The following ACTR1A variants were observed in gnomAD, a reference collection of about 807,000 sequenced individuals.
The protein encoded by ACTR1A is actin related protein 1A.
ACTR1A carries 10 observed loss-of-function variants against 50.7 expected under a neutral mutation model. The observed-to-expected ratio is 0.20, with a 90% CI of 0.12 to 0.33. ACTR1A has a LOEUF of 0.33. Among genes scored for constraint, ACTR1A ranks in the 10% least tolerant of loss-of-function variants. ACTR1A has a pLI of 1.00. For synonymous variants in ACTR1A, 177 were observed against 184.2 expected (o/e 0.96, Z 0.32); for missense variants, 253 against 491.7 (o/e 0.51, Z 4.59).
rs749861173 is a variant in ACTR1A at position 102,484,373 on chromosome 10, G to A, written c.444C>T (p.Tyr148=). ...CCACCCCTGTGGTCCTGCCTGTAGC[G>A]TAACTGAAGCAAAGGGGCAAACCGT... The part of the protein sequence containing the change: ...FISMQAVLSL[Y]ATGRTTGVVL... Residue 148 remains tyrosine, a synonymous_variant, in exon 6 of 11, where the codon TAC becomes TAT. Coordinates refer to ENST00000369905, the MANE Select transcript of ACTR1A (RefSeq NM_005736.4). 42 of 1,613,558 alleles carry A rather than the reference G, an allele frequency of 2.6e-5. No homozygotes were observed. Among genetic ancestry groups the A allele is most frequent in the South Asian group, 1.5e-4 (14 of 91,078 alleles).
chr10:102,489,944 C>G (rs1338774036), intron 2 of ACTR1A, among the ~76,000 whole-genome samples: 1 of 151,894 alleles, frequency 6.6e-6, no homozygotes, highest in African/African-American at 2.4e-5. Flanking sequence ...GAGGAAAGTT[C>G]TGAGAAACTC....
chr10:102,498,011 A>C (rs1023592313), intron 1 of ACTR1A, among the ~76,000 whole-genome samples: 1 of 151,724 alleles, frequency 6.6e-6, no homozygotes, highest in African/African-American at 2.4e-5. Flanking sequence ...GGATTGCTTA[A>C]GCTTGGCAAG....
chr10:102,482,568 T>C lies in ACTR1A; in HGVS notation c.751-393A>G. On this transcript the variant is annotated intron_variant, in intron 7 of 10. Transcript: ENST00000369905. This position sits in a 1 kb window ranked among gnomAD's most constrained non-coding sequence, Gnocchi z 5.6. Reference sequence around the variant, plus strand: ...TCTCATACTGATGTGGGACAATCCCTTAGGAGCTTCCTCCCCTCTAGCGGG... The same window carrying C: ...TCTCATACTGATGTGGGACAATCCCCTAGGAGCTTCCTCCCCTCTAGCGGG... 1 of 281,770 alleles carries C rather than the reference T, an allele frequency of 3.5e-6. No homozygotes were observed. The allele number at this position is 281,770 out of a possible 1,614,324, so 17.5% of individuals were successfully genotyped here.
chr10:102,500,596 C>CAAAA (rs1194224795), intron 1 of ACTR1A, among the ~76,000 whole-genome samples: 3 of 131,258 alleles, frequency 2.3e-5, no homozygotes, highest in African/African-American at 7.2e-5. Flanking sequence ...AACAAACAAA[C>CAAAA]AAACAAACAA....
chr10:102,485,682 G>A lies in ACTR1A; in HGVS notation c.367C>T (p.Arg123Ter). The change falls in exon 5 of 11, where the codon CGA becomes TGA. Residue 123 changes from arginine (R) to a stop codon, truncating the protein, a stop_gained. Transcript: ENST00000369905. LOFTEE classifies it high-confidence loss of function. ...APLNPRKNRE[R>*]AAEVFFETFN... The stretch of plus-strand genomic sequence containing the variant: ...GTCTCGAAGAAAACTTCGGCAGCTC[G>A]TTCCCGGTTTTTTCGTGGGTTTAAA... 1 of 1,614,128 alleles carries A rather than the reference G, an allele frequency of 6.2e-7. No homozygotes were observed. The highest frequency in any genetic ancestry group is 8.5e-7 in the Non-Finnish European group (1 of 1,180,016).
In ACTR1A at chr10:102,502,684, C is replaced by G; in HGVS notation, c.-37G>C. ...CTCTCCTTCTGGGGAAGGAACTGCC[C>G]AGCCGGGTCCGCCGCTAGCGCCACT... On this transcript the variant is annotated 5_prime_UTR_variant, in exon 1 of 11. Transcript: ENST00000369905. 1 of 1,612,060 alleles carries G rather than the reference C, an allele frequency of 6.2e-7. No homozygotes were observed. Among genetic ancestry groups the G allele is most frequent in the Non-Finnish European group, 8.5e-7 (1 of 1,178,554 alleles).
chr10:102,500,818 ATC>A (rs1328053963), intron 1 of ACTR1A, among the ~76,000 whole-genome samples: 1 of 152,098 alleles, frequency 6.6e-6, no homozygotes, highest in Non-Finnish European at 1.5e-5. Context: ...CAGGCCTATA[ATC>A]CCAGCACTTT....
chr10:102,497,450 G>A (rs577568676), intron 1 of ACTR1A, among the ~76,000 whole-genome samples: 20 of 152,110 alleles, frequency 1.3e-4, no homozygotes, highest in Non-Finnish European at 2.8e-4. Context: ...TAGGCATGGT[G>A]GCTTGCTCCT....
chr10:102,485,797 G>A lies in ACTR1A; in HGVS notation c.316-64C>T, dbSNP rs1046401090. The A allele has an allele frequency of 3.1e-6, 5 of 1,593,346 alleles. No individual in the cohort carries two copies. The Admixed American group carries it at 6.7e-5, about 21-fold the overall frequency. On this transcript the variant is annotated intron_variant, in intron 4 of 10. Coordinates refer to ENST00000369905, the MANE Select transcript of ACTR1A (RefSeq NM_005736.4). ...AGATTTCCATCTTCATTAGTCTTAG[G>A]GGAGAAGACCCTGCCTTGCTGGTTT...
chr10:102,487,395 C>T (rs185018217), intron 4 of ACTR1A, among the ~76,000 whole-genome samples: 24 of 151,962 alleles, frequency 1.6e-4, no homozygotes, highest in African/African-American at 5.8e-4. Context: ...GCCTGGCCAA[C>T]AAGAGCAAAA....
rs2062178417 is a variant in ACTR1A at position 102,488,285 on chromosome 10, G to A, written c.190-10C>T. 7.4e-6 allele frequency: 12 copies of A among 1,612,808 alleles called. No homozygotes were observed. Among genetic ancestry groups the A allele is most frequent in the Non-Finnish European group, 9.3e-6 (11 of 1,179,004 alleles). ...GCAGCCCTCGGTGCTCCTGGGAAAA[G>A]AGAACAGGACTTACGACTGCAGTCA... is the stretch of plus-strand genomic sequence containing the variant. On this transcript the variant is annotated splice_polypyrimidine_tract_variant and intron_variant, in intron 3 of 10. Transcript: ENST00000369905. The surrounding 1 kb of genome is among the most constrained non-coding windows in gnomAD (Gnocchi z 4.4).
At position 102,484,270 on chromosome 10, in the gene ACTR1A, T is replaced by C. The variant is rs138264380; in HGVS notation, c.547A>G (p.Ile183Val). 5 of 1,614,050 alleles carry C rather than the reference T, an allele frequency of 3.1e-6. No individual in the cohort carries two copies. Among genetic ancestry groups the C allele is most frequent in the Middle Eastern group, 1.6e-4 (1 of 6,084 alleles). The change falls in exon 6 of 11, where the codon ATC becomes GTC. Residue 183 changes from isoleucine to valine, a missense_variant. Physicochemically the swap from Ile to Val is conservative, Grantham distance 29. Transcript: ENST00000369905. ...GFAMPHSIMR[I>V]DIAGRDVSRF... ...GAGACGTCCCGGCCCGCGATGTCGA[T>C]GCGCATGATGGAGTGGGGCATGGCA...
Position 102,488,355 on chromosome 10 carries a change from C to G in ACTR1A, c.190-80G>C. Reference sequence around the variant, plus strand: ...TTCTCCCAAGACTAAGCAGTGCAAGCTGAATCCCTTGCAAAGAAGCCTCAG... The same window carrying G: ...TTCTCCCAAGACTAAGCAGTGCAAGGTGAATCCCTTGCAAAGAAGCCTCAG... On this transcript the variant is annotated intron_variant, in intron 3 of 10. Coordinates refer to ENST00000369905, the MANE Select transcript of ACTR1A (RefSeq NM_005736.4). This position sits in a 1 kb window ranked among gnomAD's most constrained non-coding sequence, Gnocchi z 4.4. The G allele has an allele frequency of 5.1e-6, 8 of 1,562,678 alleles. No homozygotes were observed. The highest frequency in any genetic ancestry group is 7.0e-6 in the Non-Finnish European group (8 of 1,140,368).
chr10:102,491,196 T>A (rs2135585139), intron 1 of ACTR1A, among the ~76,000 whole-genome samples: 1 of 152,028 alleles, frequency 6.6e-6, no homozygotes, highest in East Asian at 1.9e-4. Context: ...AAAATACTAG[T>A]AATAAAGGGA....
chr10:102,487,930 C>T (rs1408676598), intron 4 of ACTR1A, among the ~76,000 whole-genome samples: 1 of 152,068 alleles, frequency 6.6e-6, no homozygotes, highest in African/African-American at 2.4e-5. Context: ...CGCGCCCGGC[C>T]ACGACTTGGC....
intron 9 of ACTR1A, 72 bp downstream of exon 9, chr10:102,481,765 G>A: frequency 6.4e-7 from 1 of 1,560,600 alleles, no homozygotes; most frequent in Non-Finnish European, 8.8e-7. Context: ...AAGCTAGAGG[G>A]AAGCTACGCC....
At chr10:102,501,986 C>G (rs1345125530) in intron 1 of ACTR1A, among the ~76,000 whole-genome samples, 1 of 135,266 alleles carries the variant, frequency 7.4e-6, no homozygotes, top group South Asian at 2.4e-4. Context: ...GCACCAGATT[C>G]TCGGGCCCCA....
At chr10:102,481,051 A>G in intron 10 of ACTR1A, 81 bp downstream of exon 10, 5 of 1,585,348 alleles carry the variant, frequency 3.2e-6, no homozygotes, top group Non-Finnish European at 4.3e-6. Context: ...AAACCAAATC[A>G]GGCTTTTCTT....
intron 1 of ACTR1A, among the ~76,000 whole-genome samples, chr10:102,491,956 A>G: frequency 7.0e-6 from 1 of 141,948 alleles, no homozygotes; most frequent in Non-Finnish European, 1.5e-5. Flanking sequence ...TTTTTAGTAG[A>G]GACAGGGTTT....
Sources: gnomAD v4.1 joint callset for allele counts (sites outside exome capture counted in the v4.1 genomes callset) on GRCh38, gnomAD v4.1.1 for gene constraint, Gnocchi (gnomAD v3.1) non-coding constraint, MANE v1.5 for transcripts, NCBI Gene and HGNC (gene_info 2026-07-23, HGNC 2026-07-21) for gene names.